SLC35F3: variants seen among roughly 807,000 people sequenced by gnomAD.
SLC35F3 encodes solute carrier family 35 member F3, also known as putative thiamine transporter SLC35F3.
A neutral mutation model predicts 49.9 loss-of-function variants in SLC35F3; 25 were observed. The ratio of observed to expected loss-of-function variants is 0.50; its 90% confidence interval spans 0.37 to 0.70. The LOEUF (loss-of-function observed/expected upper bound fraction) is 0.70. SLC35F3 is among the 30% of genes least tolerant of loss of function. SLC35F3 has a pLI of 0.00. For missense variants in SLC35F3, 525 were observed against 639.8 expected (o/e 0.82, Z 1.94); for synonymous variants, 275 against 265.4 (o/e 1.04, Z -0.35).
At chr1:233,921,016 T>C (rs1662049676) in intron 2 of SLC35F3, among the ~76,000 whole-genome samples, 1 of 152,274 alleles carries the variant, frequency 6.6e-6, no homozygotes, top group South Asian at 2.1e-4. Context: ...AGATCCCTGA[T>C]TCACAGAAAC....
chr1:234,048,700 G>A (rs1338006977), intron 2 of SLC35F3, among the ~76,000 whole-genome samples: 2 of 151,100 alleles, frequency 1.3e-5, no homozygotes, highest in Admixed American at 6.6e-5. Flanking sequence ...ATACATTCAG[G>A]GGTGGGACCA....
At chr1:233,955,788 G>A (rs1004667608) in intron 2 of SLC35F3, among the ~76,000 whole-genome samples, 11 of 137,028 alleles carry the variant, frequency 8.0e-5, no homozygotes, top group South Asian at 4.7e-4. Flanking sequence ...TTTTTGAGAC[G>A]GAGTTTTGGT....
At chr1:233,946,357 T>G (rs1391048641) in intron 2 of SLC35F3, among the ~76,000 whole-genome samples, 2 of 152,184 alleles carry the variant, frequency 1.3e-5, no homozygotes, top group Admixed American at 6.5e-5. Flanking sequence ...CAACACTGGC[T>G]CATGTTTCAA....
chr1:234,304,265 G>A (rs1032033994), intron 3 of SLC35F3, among the ~76,000 whole-genome samples: 1 of 151,876 alleles, frequency 6.6e-6, no homozygotes, highest in Non-Finnish European at 1.5e-5. Context: ...AGGTTTAAGC[G>A]ATTCTCATGC....
At chr1:234,184,368 G>A (rs2102925200) in intron 2 of SLC35F3, among the ~76,000 whole-genome samples, 1 of 152,252 alleles carries the variant, frequency 6.6e-6, no homozygotes, top group East Asian at 1.9e-4. Context: ...TATGTGGTTT[G>A]TAAAGTTGAC....
intron 2 of SLC35F3, among the ~76,000 whole-genome samples, chr1:233,980,076 G>A (rs1326759553): frequency 1.3e-5 from 2 of 152,224 alleles, no homozygotes; most frequent in Non-Finnish European, 2.9e-5. Context: ...TATGCGTGTT[G>A]TGTGCCAGCT....
intron 2 of SLC35F3, among the ~76,000 whole-genome samples, chr1:233,944,589 C>A (rs1662483167): frequency 6.6e-6 from 1 of 152,064 alleles, no homozygotes; most frequent in Non-Finnish European, 1.5e-5. Context: ...GTGTTTTTAC[C>A]CATTGGCTGA....
At chr1:233,966,954 A>T (rs1421992894) in intron 2 of SLC35F3, among the ~76,000 whole-genome samples, 1 of 152,194 alleles carries the variant, frequency 6.6e-6, no homozygotes, top group Non-Finnish European at 1.5e-5. Flanking sequence ...TTCTGCATCA[A>T]AAAGGTCCTT....
chr1:233,936,185 C>T (rs1662323689), intron 2 of SLC35F3, among the ~76,000 whole-genome samples: 1 of 152,170 alleles, frequency 6.6e-6, no homozygotes, highest in African/African-American at 2.4e-5. Context: ...CATTCCTTTT[C>T]AGTAGCCATG....
At chr1:234,260,243 T>A (rs1375173855) in intron 3 of SLC35F3, among the ~76,000 whole-genome samples, 2 of 152,248 alleles carry the variant, frequency 1.3e-5, no homozygotes, top group Non-Finnish European at 2.9e-5. Flanking sequence ...GGTTAAATGC[T>A]GATCCCAAGG....
intron 2 of SLC35F3, among the ~76,000 whole-genome samples, chr1:234,164,590 A>G (rs1666284424): frequency 6.6e-6 from 1 of 152,042 alleles, no homozygotes; most frequent in Non-Finnish European, 1.5e-5. Context: ...AAATACAGAC[A>G]TCAAAGCTGT....
At chr1:234,267,353 C>G (rs1323843493) in intron 3 of SLC35F3, among the ~76,000 whole-genome samples, 3 of 142,100 alleles carry the variant, frequency 2.1e-5, no homozygotes, top group Non-Finnish European at 4.6e-5. Flanking sequence ...TTCCACAAAA[C>G]CGCCATTGTC....
rs1352906492 is a variant in SLC35F3 at position 234,250,137 on chromosome 1, GA to G, written c.608+18398del. On this transcript the variant is annotated intron_variant, in intron 3 of 7. Transcript: ENST00000366618. ...CCAGCATTCTAAGAAGCACATTTTTGAAGATACTATTTATTCAAAATAAAAT... is the reference window on the plus strand; with the variant it reads ...CCAGCATTCTAAGAAGCACATTTTTGAGATACTATTTATTCAAAATAAAAT... Among the ~76,000 whole-genome samples, 4 of 152,268 alleles carry G rather than the reference GA, an allele frequency of 2.6e-5. No individual in the cohort carries two copies. The East Asian group carries it at 7.7e-4, about 29-fold the overall frequency.
At chr1:234,225,111 G>A (rs1046909676) in intron 2 of SLC35F3, among the ~76,000 whole-genome samples, 13 of 152,208 alleles carry the variant, frequency 8.5e-5, no homozygotes, top group African/African-American at 2.9e-4. Context: ...CACGTGAAGT[G>A]CGAATTGCTT....
intron 2 of SLC35F3, among the ~76,000 whole-genome samples, chr1:234,128,065 T>C (rs1455128666): frequency 1.3e-5 from 2 of 152,092 alleles, no homozygotes; most frequent in Non-Finnish European, 2.9e-5. Flanking sequence ...TGGGAAGAGT[T>C]GGAGTTAAGT....
intron 3 of SLC35F3, among the ~76,000 whole-genome samples, chr1:234,267,803 C>T (rs1038142827): frequency 3.3e-5 from 4 of 121,038 alleles, no homozygotes; most frequent in African/African-American, 1.2e-4. Flanking sequence ...AGAGACGCTC[C>T]TCACCTCCCA....
intron 2 of SLC35F3, among the ~76,000 whole-genome samples, chr1:234,188,194 G>A (rs1328002030): frequency 6.6e-6 from 1 of 151,152 alleles, no homozygotes; most frequent in East Asian, 1.9e-4. Flanking sequence ...CCAAGATCGG[G>A]CCACTGCACT....
At chr1:234,130,378 T>C (rs947024512) in intron 2 of SLC35F3, among the ~76,000 whole-genome samples, 1 of 151,704 alleles carries the variant, frequency 6.6e-6, no homozygotes, top group Non-Finnish European at 1.5e-5. Flanking sequence ...CAGTGGCTCA[T>C]GCCTGTAATC....
chr1:234,215,498 A>G (rs2102942228), intron 2 of SLC35F3, among the ~76,000 whole-genome samples: 1 of 152,280 alleles, frequency 6.6e-6, no homozygotes, highest in Middle Eastern at 3.4e-3. Flanking sequence ...CAGACAGACC[A>G]TCCCCTGGGT....
Sources: gnomAD v4.1 joint callset for allele counts (sites outside exome capture counted in the v4.1 genomes callset) on GRCh38, gnomAD v4.1.1 for gene constraint, MANE v1.5 for transcripts, NCBI Gene and HGNC (gene_info 2026-07-23, HGNC 2026-07-21) for gene names.